Variants in SGCZ observed in about 807,000 individuals in gnomAD.
SGCZ encodes sarcoglycan zeta.
In SGCZ, 40 loss-of-function variants were observed where a neutral mutation model predicts 41.3. The observed-to-expected ratio is 0.97, with a 90% CI of 0.75 to 1.26. The LOEUF is 1.26. Ranked by LOEUF, SGCZ falls within the 50% of genes most tolerant of loss-of-function variation. SGCZ has a pLI of 0.00. For missense variants in SGCZ, 552 were observed against 369.8 expected (o/e 1.49, Z -4.04); for synonymous variants, 206 against 137.5 (o/e 1.50, Z -3.49).
At chr8:14,369,021 A>ATGTG (rs10655274) in intron 2 of SGCZ, among the ~76,000 whole-genome samples, 12,084 of 145,448 alleles carry the variant, frequency 0.083, 1,498 homozygotes, top group African/African-American at 0.27. Context: ...GCAAATGTAA[A>ATGTG]TGTGTGTGTG....
At chr8:14,229,128 T>C (rs1806473689) in intron 4 of SGCZ, among the ~76,000 whole-genome samples, 1 of 152,130 alleles carries the variant, frequency 6.6e-6, no homozygotes, top group South Asian at 2.1e-4. Flanking sequence ...AAGGAAAATC[T>C]CTAGAATTCC....
chr8:14,187,473 C>A (rs1418181006), intron 4 of SGCZ, among the ~76,000 whole-genome samples: 1 of 151,620 alleles, frequency 6.6e-6, no homozygotes, highest in Admixed American at 6.6e-5. Flanking sequence ...GAATTAAATG[C>A]AGGTGTGATG....
At chr8:14,727,706 G>T (rs1375672461) in intron 1 of SGCZ, among the ~76,000 whole-genome samples, 1 of 151,954 alleles carries the variant, frequency 6.6e-6, no homozygotes, top group Non-Finnish European at 1.5e-5. Flanking sequence ...TGGAGACGGG[G>T]TTGCACCGTG....
chr8:14,678,782 G>C (rs1808352201), intron 1 of SGCZ, among the ~76,000 whole-genome samples: 1 of 152,176 alleles, frequency 6.6e-6, no homozygotes, highest in Non-Finnish European at 1.5e-5. Context: ...AAGCAACCAA[G>C]ATGTTCTTCA....
chr8:14,164,029 A>T (rs1055407626), intron 5 of SGCZ, among the ~76,000 whole-genome samples: 11 of 152,146 alleles, frequency 7.2e-5, no homozygotes, highest in African/African-American at 2.7e-4. Flanking sequence ...TACCTTTTTT[A>T]AAATTTTAAT....
At chr8:14,845,351 C>A (rs970966535) in intron 1 of SGCZ, among the ~76,000 whole-genome samples, 1 of 152,156 alleles carries the variant, frequency 6.6e-6, no homozygotes, top group Admixed American at 6.5e-5. Context: ...AATGTTTCTA[C>A]ATAACTCAGT....
At chr8:14,865,456 C>A (rs529113566) in intron 1 of SGCZ, among the ~76,000 whole-genome samples, 129 of 150,046 alleles carry the variant, frequency 8.6e-4, no homozygotes, top group Middle Eastern at 6.9e-3. Flanking sequence ...CACAATCAAC[C>A]CCTGTGAATG....
At position 14,371,391 on chromosome 8, in the gene SGCZ, G is replaced by T. The variant is rs113191132; in HGVS notation, c.235-47187C>A. Among the ~76,000 whole-genome samples, 26 of 151,966 alleles carry T rather than the reference G, an allele frequency of 1.7e-4. 1 individual carries two copies. Among genetic ancestry groups the T allele is most frequent in the East Asian group, 7.7e-4 (4 of 5,168 alleles). On this transcript the variant is annotated intron_variant, in intron 2 of 7. Coordinates refer to ENST00000382080, the MANE Select transcript of SGCZ (RefSeq NM_139167.4). ...GTTCAGTTAAGTGATAACATTTTCC[G>T]GTATTAGCAATAACCTTTGCTGTAA...
intron 2 of SGCZ, among the ~76,000 whole-genome samples, chr8:14,460,955 G>C (rs1419764941): frequency 6.6e-6 from 1 of 152,074 alleles, no homozygotes; most frequent in South Asian, 2.1e-4. Context: ...ATCAGATCCT[G>C]AACCTAGATT....
intron 1 of SGCZ, among the ~76,000 whole-genome samples, chr8:14,791,611 A>G (rs1800956110): frequency 6.6e-6 from 1 of 152,188 alleles, no homozygotes; most frequent in Non-Finnish European, 1.5e-5. Context: ...TTACATTACA[A>G]TATAACCAAG....
At chr8:14,901,766 TAAC>T (rs1470289908) in intron 1 of SGCZ, among the ~76,000 whole-genome samples, 2 of 152,154 alleles carry the variant, frequency 1.3e-5, no homozygotes, top group Non-Finnish European at 2.9e-5. Flanking sequence ...AAATCAGACT[TAAC>T]AGACTATACC....
chr8:14,574,632 G>C (rs1029399054), intron 1 of SGCZ, among the ~76,000 whole-genome samples: 1 of 152,118 alleles, frequency 6.6e-6, no homozygotes, highest in East Asian at 1.9e-4. Flanking sequence ...TTGAACCTAA[G>C]AATAAAATCA....
chr8:14,858,605 GT>G (rs1388530824), intron 1 of SGCZ, among the ~76,000 whole-genome samples: 9 of 152,128 alleles, frequency 5.9e-5, no homozygotes, highest in Admixed American at 2.6e-4. Context: ...TTTAAGATTA[GT>G]TGCAATGTGT....
intron 1 of SGCZ, among the ~76,000 whole-genome samples, chr8:15,157,722 A>G (rs1423543972): frequency 1.3e-5 from 2 of 152,166 alleles, no homozygotes; most frequent in Non-Finnish European, 2.9e-5. Flanking sequence ...GGCACCCTGA[A>G]TGAAACCTTT....
chr8:14,398,795 G>T (rs1798990706), intron 2 of SGCZ, among the ~76,000 whole-genome samples: 1 of 152,032 alleles, frequency 6.6e-6, no homozygotes, highest in South Asian at 2.1e-4. Context: ...TGGCTACCTG[G>T]TGTTGGTTAG....
chr8:14,832,533 A>C (rs1802567653), intron 1 of SGCZ, among the ~76,000 whole-genome samples: 1 of 152,194 alleles, frequency 6.6e-6, no homozygotes, highest in African/African-American at 2.4e-5. Context: ...CCTTCTGTGT[A>C]AATTTGTAAT....
chr8:14,276,568 T>C (rs1013232216), intron 3 of SGCZ, among the ~76,000 whole-genome samples: 1 of 152,182 alleles, frequency 6.6e-6, no homozygotes, highest in African/African-American at 2.4e-5. Context: ...GCTCTCTCCA[T>C]GTTTCCTATA....
intron 1 of SGCZ, among the ~76,000 whole-genome samples, chr8:14,871,392 C>T (rs543447703): frequency 8.5e-4 from 129 of 152,168 alleles, no homozygotes; most frequent in African/African-American, 2.3e-3. Context: ...TGCGTATATA[C>T]CCAAAGGATC....
intron 1 of SGCZ, among the ~76,000 whole-genome samples, chr8:14,927,569 G>A (rs1335834507): frequency 6.6e-6 from 1 of 152,066 alleles, no homozygotes; most frequent in Non-Finnish European, 1.5e-5. Flanking sequence ...GAGACGAAAT[G>A]AGAGAATTTT....
Sources: gnomAD v4.1 joint callset for allele counts (sites outside exome capture counted in the v4.1 genomes callset) on GRCh38, gnomAD v4.1.1 for gene constraint, MANE v1.5 for transcripts, NCBI Gene and HGNC (gene_info 2026-07-23, HGNC 2026-07-21) for gene names.